GOLM1: variants seen among roughly 807,000 people sequenced by gnomAD.
GOLM1 encodes golgi membrane protein 1, also known as epididymis luminal protein 46.
In GOLM1, 31 loss-of-function variants were observed where a neutral mutation model predicts 50.5. The observed-to-expected ratio is 0.61, with a 90% CI of 0.46 to 0.83. The LOEUF is 0.83. Among genes scored for constraint, GOLM1 ranks in the 40% least tolerant of loss-of-function variants. The pLI is 0.00. For missense variants in GOLM1, 491 were observed against 501.3 expected, an observed-to-expected ratio of 0.98 and a Z score of 0.20; for synonymous variants, 178 against 192.8, an observed-to-expected ratio of 0.92 and a Z score of 0.64.
intron 1 of GOLM1, among the ~76,000 whole-genome samples, chr9:86,087,132 C>T (rs956321447): frequency 3.3e-5 from 5 of 152,144 alleles, no homozygotes; most frequent in African/African-American, 1.2e-4. Flanking sequence ...CTTCCTTGAA[C>T]AGTGGTTTGT....
At chr9:86,081,216 G>A (rs1165468369) in intron 1 of GOLM1, among the ~76,000 whole-genome samples, 2 of 136,110 alleles carry the variant, frequency 1.5e-5, no homozygotes, top group Non-Finnish European at 1.6e-5. Flanking sequence ...TTTTTTTTGA[G>A]ACGGAGTTTC....
rs996824285 is a variant in GOLM1 at position 86,026,805 on chromosome 9, A to G, written c.*1012T>C. 1 of 979,300 alleles carries G rather than the reference A, an allele frequency of 1.0e-6. No individual in the cohort carries two copies. The highest frequency in any genetic ancestry group is 1.2e-6 in the Non-Finnish European group (1 of 824,442). The allele number at this position is 979,300 out of a possible 1,614,324, so 60.7% of individuals were successfully genotyped here. A position where few individuals can be genotyped will look rare whatever the true frequency, so the allele number is the denominator to read the frequency against. ...GATTTTAAAATCAGTTTTGTGAGTC[A>G]TTTACCACAAGCTAAATGTGTACAC... On this transcript the variant is annotated 3_prime_UTR_variant, in exon 10 of 10. Transcript: ENST00000388712.
At chr9:86,099,692 C>T (rs1486272472), upstream of GOLM1, 1 of 151,376 alleles carries the variant, frequency 6.6e-6, no homozygotes, top group Non-Finnish European at 1.5e-5. Flanking sequence ...GGTGCGCGCG[C>T]CCCGGCCGGT....
intron 6 of GOLM1, among the ~76,000 whole-genome samples, chr9:86,037,044 T>C (rs543645098): frequency 1.3e-5 from 2 of 152,202 alleles, no homozygotes; most frequent in East Asian, 3.8e-4. Flanking sequence ...CTTATGACAT[T>C]TGCAAATATT....
intron 1 of GOLM1, chr9:86,085,049 AG>A: frequency 9.7e-6 from 1 of 102,620 alleles, no homozygotes; most frequent in Non-Finnish European, 2.1e-5. Context: ...TCTGTCCCAG[AG>A]AAACAAACAA....
intron 3 of GOLM1, among the ~76,000 whole-genome samples, chr9:86,071,760 C>T (rs777467623): frequency 5.3e-5 from 8 of 151,930 alleles, no homozygotes; most frequent in Non-Finnish European, 7.4e-5. Flanking sequence ...TTTTTTAAGA[C>T]GTGGGTCATT....
Position 86,027,074 on chromosome 9 carries a change from A to T in GOLM1, c.*743T>A. The T allele has an allele frequency of 3.0e-6, 3 of 985,254 alleles. No individual in the cohort carries two copies. The highest frequency in any genetic ancestry group is 3.6e-6 in the Non-Finnish European group (3 of 829,884). The allele number at this position is 985,254 out of a possible 1,614,324, so 61.0% of individuals were successfully genotyped here. The stretch of plus-strand genomic sequence containing the variant: ...AATCTGCTTCTTGCTTTTCTTGGTA[A>T]TATATATTTAGGGAAGATGTTGCTT... On this transcript the variant is annotated 3_prime_UTR_variant, in exon 10 of 10. Transcript: ENST00000388712.
intron 1 of GOLM1, among the ~76,000 whole-genome samples, chr9:86,085,316 TG>T (rs1445918818): frequency 1.3e-5 from 2 of 152,180 alleles, no homozygotes; most frequent in Non-Finnish European, 2.9e-5. Context: ...AGTTTTAAAC[TG>T]GGGTGTTCAT....
chr9:86,031,390 TAAAAAG>T (rs1356524884), intron 9 of GOLM1, among the ~76,000 whole-genome samples: 4 of 149,012 alleles, frequency 2.7e-5, no homozygotes, highest in Non-Finnish European at 5.9e-5. Flanking sequence ...TGAAAACTGT[TAAAAAG>T]GAAAGAAATC....
intron 3 of GOLM1, among the ~76,000 whole-genome samples, chr9:86,073,741 G>A (rs1057489550): frequency 3.3e-5 from 5 of 152,120 alleles, no homozygotes; most frequent in African/African-American, 9.7e-5. Flanking sequence ...ACACAAACCC[G>A]TGCTGTCCAA....
chr9:86,049,269 T>C (rs1210746483), intron 4 of GOLM1, among the ~76,000 whole-genome samples: 2 of 152,264 alleles, frequency 1.3e-5, no homozygotes, highest in Non-Finnish European at 2.9e-5. Flanking sequence ...CTTTGGTTAC[T>C]GTAGCCTTGT....
intron 6 of GOLM1, among the ~76,000 whole-genome samples, chr9:86,038,171 AAAAG>A (rs1204394991): frequency 1.3e-5 from 2 of 151,834 alleles, no homozygotes; most frequent in Non-Finnish European, 2.9e-5. Flanking sequence ...AAAAAAAAAA[AAAAG>A]AAAAAGAAAA....
At chr9:86,054,845 C>T (rs1833940417) in intron 3 of GOLM1, among the ~76,000 whole-genome samples, 2 of 152,242 alleles carry the variant, frequency 1.3e-5, no homozygotes, top group Admixed American at 1.3e-4. Context: ...CAGACAGACA[C>T]ATACAGCATG....
chr9:86,066,345 T>C (rs1176349534), intron 3 of GOLM1, among the ~76,000 whole-genome samples: 1 of 152,140 alleles, frequency 6.6e-6, no homozygotes, highest in Non-Finnish European at 1.5e-5. Context: ...CACCTGGACA[T>C]GGGTACAGGT....
At chr9:86,090,951 G>A (rs1835166508) in intron 1 of GOLM1, among the ~76,000 whole-genome samples, 1 of 152,270 alleles carries the variant, frequency 6.6e-6, no homozygotes. Flanking sequence ...CGTAGTATCT[G>A]GGCCAGAGTG....
chr9:86,090,124 C>T (rs577833138), intron 1 of GOLM1, among the ~76,000 whole-genome samples: 14 of 152,046 alleles, frequency 9.2e-5, no homozygotes, highest in South Asian at 2.1e-4. Flanking sequence ...GAAGCTTTGT[C>T]GCAGAGGGGC....
At chr9:86,045,009 G>A (rs1226578010) in intron 5 of GOLM1, among the ~76,000 whole-genome samples, 1 of 152,028 alleles carries the variant, frequency 6.6e-6, no homozygotes, top group Non-Finnish European at 1.5e-5. Context: ...ACAAATTATG[G>A]CAATGGATAT....
chr9:86,093,849 C>G (rs1835264149), intron 1 of GOLM1, among the ~76,000 whole-genome samples: 1 of 152,068 alleles, frequency 6.6e-6, no homozygotes, highest in Admixed American at 6.5e-5. Flanking sequence ...ATCAGAAAAG[C>G]AAATATATAG....
intron 1 of GOLM1, among the ~76,000 whole-genome samples, chr9:86,097,161 A>G (rs938312349): frequency 1.3e-5 from 2 of 151,606 alleles, no homozygotes; most frequent in African/African-American, 4.9e-5. Flanking sequence ...ATAAATTTGG[A>G]GACAAGTCTC....
Sources: allele counts gnomAD v4.1 joint callset (sites outside exome capture counted in the v4.1 genomes callset), GRCh38; gene constraint gnomAD v4.1.1; transcripts MANE v1.5; gene names NCBI Gene and HGNC (gene_info 2026-07-23, HGNC 2026-07-21).